The following ASTN2 variants were observed in gnomAD, a reference collection of about 807,000 sequenced individuals.
ASTN2 encodes the protein astrotactin 2, also known as astrotactin-2.
ASTN2 carries 54 observed loss-of-function variants against 139.8 expected under a neutral mutation model. The observed-to-expected ratio is 0.39, with a 90% confidence interval of 0.31 to 0.48. ASTN2 has a LOEUF of 0.48. ASTN2 is among the 20% of genes least tolerant of loss of function. The pLI is 0.95. For synonymous variants in ASTN2, 756 were observed against 719.5 expected (o/e 1.05, Z -0.81); for missense variants, 1,565 against 1,725.1 (o/e 0.91, Z 1.64).
At position 116,789,391 on chromosome 9, in the gene ASTN2, C is replaced by T. The variant is rs530749871; in HGVS notation, c.2396+16241G>A. Reference sequence around the variant, plus strand: ...GGCTTGTGCCTGCTAATTAACTGTCCACTTAATGGGCTCCTCTGAGGATCT... The same window carrying T: ...GGCTTGTGCCTGCTAATTAACTGTCTACTTAATGGGCTCCTCTGAGGATCT... On this transcript the variant is annotated intron_variant, in intron 13 of 22. Coordinates refer to ENST00000313400, the MANE Select transcript of ASTN2 (RefSeq NM_001365068.1). 4.6e-5 allele frequency among the ~76,000 whole-genome samples: 7 copies of T among 152,290 alleles called. No individual in the cohort carries two copies. The South Asian group carries it at 1.2e-3, about 27-fold the overall frequency.
At chr9:117,320,860 T>C (rs1445204778) in intron 1 of ASTN2, among the ~76,000 whole-genome samples, 2 of 152,142 alleles carry the variant, frequency 1.3e-5, no homozygotes, top group Admixed American at 6.5e-5. Flanking sequence ...CCACTTTGCA[T>C]CCCAGCCTGG....
intron 1 of ASTN2, among the ~76,000 whole-genome samples, chr9:117,370,779 T>C (rs1829969925): frequency 6.6e-6 from 1 of 151,996 alleles, no homozygotes; most frequent in Admixed American, 6.6e-5. Context: ...AAATCATAGC[T>C]CTCTCAATGC....
intron 5 of ASTN2, among the ~76,000 whole-genome samples, chr9:117,066,016 C>CTTTTTT (rs58654004): frequency 6.8e-6 from 1 of 146,070 alleles, no homozygotes; most frequent in African/African-American, 2.5e-5. Context: ...CCCATTTTAT[C>CTTTTTT]TTTTTTTTTT....
intron 13 of ASTN2, among the ~76,000 whole-genome samples, chr9:116,741,348 T>C (rs552244844): frequency 1.6e-4 from 25 of 152,146 alleles, no homozygotes; most frequent in Non-Finnish European, 3.4e-4. Context: ...TTGGGAGCTA[T>C]TGAGTTTGCA....
chr9:117,037,314 G>A (rs536962797), intron 6 of ASTN2, among the ~76,000 whole-genome samples: 4 of 148,334 alleles, frequency 2.7e-5, no homozygotes, highest in African/African-American at 7.3e-5. Flanking sequence ...ACGGTTTGCC[G>A]CTGTCTCGGG....
intron 11 of ASTN2, among the ~76,000 whole-genome samples, chr9:116,849,352 CCTTTCCTGTGACCAGCCCTCACCCTGAAG>C (rs1387431531): frequency 3.9e-5 from 6 of 152,228 alleles, no homozygotes; most frequent in African/African-American, 1.4e-4. Context: ...CTTGTCTTGG[CCTTTCCTGTGACCAGCCCTCACCCTGAAG>C]CTACCTAAGG....
At chr9:116,666,471 C>T (rs1680174247) in intron 16 of ASTN2, among the ~76,000 whole-genome samples, 1 of 152,160 alleles carries the variant, frequency 6.6e-6, no homozygotes. Context: ...ACTTCTATCA[C>T]ATTACCATTA....
At chr9:116,742,000 A>G (rs1024707882) in intron 13 of ASTN2, among the ~76,000 whole-genome samples, 1 of 152,248 alleles carries the variant, frequency 6.6e-6, no homozygotes, top group African/African-American at 2.4e-5. Flanking sequence ...CATTAGGAAT[A>G]CAACAATAAA....
At chr9:116,759,026 A>G in intron 13 of ASTN2, among the ~76,000 whole-genome samples, 1 of 152,110 alleles carries the variant, frequency 6.6e-6, no homozygotes. Flanking sequence ...ACAGAAGCGT[A>G]CCGCCATGCC....
chr9:117,195,263 T>A (rs1831466745), intron 3 of ASTN2, among the ~76,000 whole-genome samples: 1 of 152,176 alleles, frequency 6.6e-6, no homozygotes, highest in Non-Finnish European at 1.5e-5. Flanking sequence ...GAGCCATCCA[T>A]GCCCTGACAG....
At chr9:116,764,694 C>T (rs1008278671) in intron 13 of ASTN2, among the ~76,000 whole-genome samples, 6 of 152,094 alleles carry the variant, frequency 3.9e-5, no homozygotes, top group African/African-American at 1.2e-4. Flanking sequence ...CTGAATCTTC[C>T]AAGAAGTGTG....
chr9:117,002,466 G>C (rs771472001), intron 7 of ASTN2, among the ~76,000 whole-genome samples: 12 of 152,148 alleles, frequency 7.9e-5, no homozygotes, highest in Non-Finnish European at 1.8e-4. Flanking sequence ...AATGGAAAGA[G>C]GGATGATGTT....
rs1199411479 is a variant in ASTN2, at chr9:116,733,387, C to T, written c.2521+12G>A. ...CAGGGAACCTGGGAAGGGTCTGGCA[C>T]ATGTGTCTTACCAGTGAGCAGTTGG... On this transcript the variant is annotated intron_variant, in intron 14 of 22. Coordinates refer to ENST00000313400, the MANE Select transcript of ASTN2 (RefSeq NM_001365068.1). 8.7e-6 allele frequency: 14 copies of T among 1,613,674 alleles called. No individual in the cohort carries two copies. Among genetic ancestry groups the T allele is most frequent in the Non-Finnish European group, 1.1e-5 (13 of 1,179,836 alleles).
intron 2 of ASTN2, among the ~76,000 whole-genome samples, chr9:117,289,558 T>C (rs560325070): frequency 6.6e-6 from 1 of 152,282 alleles, no homozygotes; most frequent in South Asian, 2.1e-4. Flanking sequence ...TACATGCAAG[T>C]AAATGTGCTG....
chr9:116,911,691 T>G (rs1588405210), intron 10 of ASTN2, among the ~76,000 whole-genome samples: 1 of 152,048 alleles, frequency 6.6e-6, no homozygotes, highest in East Asian at 1.9e-4. Flanking sequence ...GATCACGAGG[T>G]CAGGAGATCG....
At chr9:116,818,024 G>A (rs1342651725) in intron 12 of ASTN2, among the ~76,000 whole-genome samples, 2 of 147,376 alleles carry the variant, frequency 1.4e-5, no homozygotes, top group African/African-American at 2.5e-5. Flanking sequence ...TGTGACCTTG[G>A]ACAGTTACTG....
chr9:116,673,184 G>A (rs553639531), intron 16 of ASTN2, among the ~76,000 whole-genome samples: 11 of 152,204 alleles, frequency 7.2e-5, no homozygotes, highest in Non-Finnish European at 1.3e-4. Flanking sequence ...CTATGCTTGG[G>A]GCTGCTCCCA....
intron 7 of ASTN2, among the ~76,000 whole-genome samples, chr9:116,981,643 T>C (rs1443926756): frequency 6.6e-6 from 1 of 152,212 alleles, no homozygotes; most frequent in East Asian, 1.9e-4. Flanking sequence ...TTTTGCTGCA[T>C]TGGTGGTATC....
chr9:116,871,671 T>C (rs550753606), intron 10 of ASTN2, among the ~76,000 whole-genome samples: 1 of 152,372 alleles, frequency 6.6e-6, no homozygotes, highest in South Asian at 2.1e-4. Context: ...CCAAATGATA[T>C]TCCATTATAT....
Sources: gnomAD v4.1 joint callset for allele counts (sites outside exome capture counted in the v4.1 genomes callset) on GRCh38, gnomAD v4.1.1 for gene constraint, MANE v1.5 for transcripts, NCBI Gene and HGNC (gene_info 2026-07-23, HGNC 2026-07-21) for gene names.